Variants in SYNJ2BP observed in about 807,000 individuals in gnomAD.
SYNJ2BP encodes synaptojanin 2 binding protein, also known as synaptojanin-2-binding protein.
Under a neutral mutation model 16.9 loss-of-function variants are expected in SYNJ2BP, and 10 were observed. The observed-to-expected ratio is 0.59, with a 90% CI of 0.36 to 1.00. The LOEUF is 1.00. Among genes scored for constraint, SYNJ2BP ranks in the 50% least tolerant of loss-of-function variants. The pLI is 0.01. For synonymous variants in SYNJ2BP, 54 were observed against 68.4 expected (o/e 0.79, Z 1.04); for missense variants, 162 against 186.7 (o/e 0.87, Z 0.77).
At chr14:70,403,842 C>T (rs954988278) in intron 1 of SYNJ2BP, among the ~76,000 whole-genome samples, 1 of 152,172 alleles carries the variant, frequency 6.6e-6, no homozygotes, top group Non-Finnish European at 1.5e-5. Flanking sequence ...ACCCTCTCTT[C>T]GGGTCTGGAT....
chr14:70,375,558 C>T, intron 3 of SYNJ2BP, 118 bp downstream of exon 3: 1 of 1,287,364 alleles, frequency 7.8e-7, no homozygotes, highest in Non-Finnish European at 1.0e-6. Context: ...GCCTGAGAAA[C>T]TCTTCAGGGG....
chr14:70,408,180 G>C (rs1242487653), intron 1 of SYNJ2BP, among the ~76,000 whole-genome samples: 1 of 151,534 alleles, frequency 6.6e-6, no homozygotes, highest in Non-Finnish European at 1.5e-5. Flanking sequence ...TAAAAGGAGG[G>C]AAAAAGAGAA....
chr14:70,410,253 A>G (rs1029018017), intron 1 of SYNJ2BP, among the ~76,000 whole-genome samples: 2 of 152,080 alleles, frequency 1.3e-5, no homozygotes, highest in African/African-American at 4.8e-5. Context: ...CGTCTCTATG[A>G]AAAATATGGC....
intron 1 of SYNJ2BP, among the ~76,000 whole-genome samples, chr14:70,412,509 C>CAGTAGATGTACAGTATATATGTATGTAT (rs1888496644): frequency 3.4e-5 from 3 of 87,688 alleles, no homozygotes; most frequent in African/African-American, 9.0e-5. Flanking sequence ...AGTATATATA[C>CAGTAGATGTACAGTATATATGTATGTAT]AGTATATATA....
chr14:70,374,923 T>A (rs1887592344), intron 3 of SYNJ2BP, among the ~76,000 whole-genome samples: 1 of 146,698 alleles, frequency 6.8e-6, no homozygotes, highest in Admixed American at 6.9e-5. Flanking sequence ...TTGGTCCATG[T>A]CACTCTTAAA....
intron 2 of SYNJ2BP, among the ~76,000 whole-genome samples, chr14:70,378,824 T>C (rs1887688465): frequency 6.6e-6 from 1 of 152,184 alleles, no homozygotes. Flanking sequence ...AAACTGCTTT[T>C]CCTTTTGTTC....
intron 2 of SYNJ2BP, among the ~76,000 whole-genome samples, chr14:70,386,535 G>C (rs1594947215): frequency 6.6e-6 from 1 of 152,190 alleles, no homozygotes. Flanking sequence ...TTTCTTTTTG[G>C]GGGACTAAGT....
At position 70,368,714 on chromosome 14, in the gene SYNJ2BP, T is replaced by C. The variant is rs200816931; in HGVS notation, c.*4277A>G. On this transcript the variant is annotated 3_prime_UTR_variant, in exon 4 of 4. Transcript: ENST00000256366. The stretch of plus-strand genomic sequence containing the variant: ...TTTTTGTTGTTGTTGTTGTTGTTGT[T>C]GTTTTGCCTGAAGCAATGTATGTAA... The C allele has an allele frequency of 6.9e-6, 1 of 145,034 alleles. No homozygotes were observed. The highest frequency in any genetic ancestry group is 2.0e-4 in the East Asian group (1 of 5,078). The allele number at this position is 145,034 out of a possible 1,614,324, so 9.0% of individuals were successfully genotyped here. A position where few individuals can be genotyped will look rare whatever the true frequency, so the allele number is the denominator to read the frequency against.
At chr14:70,398,584 C>T (rs1888158342) in intron 1 of SYNJ2BP, among the ~76,000 whole-genome samples, 1 of 152,212 alleles carries the variant, frequency 6.6e-6, no homozygotes, top group Non-Finnish European at 1.5e-5. Flanking sequence ...GCACTGAGAT[C>T]AGAGCAGGCA....
intron 1 of SYNJ2BP, among the ~76,000 whole-genome samples, chr14:70,390,101 T>C (rs1004003991): frequency 1.3e-5 from 2 of 152,010 alleles, no homozygotes; most frequent in African/African-American, 4.8e-5. Flanking sequence ...AGTACCAAAG[T>C]GCTATTTCTA....
chr14:70,386,643 T>G (rs1305621588), intron 2 of SYNJ2BP, among the ~76,000 whole-genome samples: 1 of 152,180 alleles, frequency 6.6e-6, no homozygotes, highest in Non-Finnish European at 1.5e-5. Context: ...GGATGTTCTC[T>G]CTCTCTTTTC....
rs1233365196 is a variant in SYNJ2BP at position 70,368,465 on chromosome 14, C to T, written c.*4526G>A. 2 of 152,192 alleles carry T rather than the reference C, an allele frequency of 1.3e-5. No homozygotes were observed. The highest frequency in any genetic ancestry group is 2.4e-5 in the African/African-American group (1 of 41,446). 9.4% of individuals were successfully genotyped at this position (152,192 alleles called of 1,614,324 possible). On this transcript the variant is annotated 3_prime_UTR_variant, in exon 4 of 4. Coordinates refer to ENST00000256366, the MANE Select transcript of SYNJ2BP (RefSeq NM_018373.3). ...AGTTAAGTTAGCTTCCCTCTCTGAG[C>T]CTTTATTTTTCTCATCTCTAAGACA... is the stretch of plus-strand genomic sequence containing the variant.
chr14:70,380,342 T>G (rs1046285444), intron 2 of SYNJ2BP, among the ~76,000 whole-genome samples: 3 of 152,204 alleles, frequency 2.0e-5, no homozygotes, highest in Admixed American at 6.5e-5. Context: ...CCATTTAGTT[T>G]GTATTTAATG....
intron 1 of SYNJ2BP, among the ~76,000 whole-genome samples, chr14:70,411,541 G>C (rs1418295818): frequency 6.6e-6 from 1 of 152,088 alleles, no homozygotes; most frequent in African/African-American, 2.4e-5. Context: ...CTTCTCTCTT[G>C]AATCTCCTAA....
chr14:70,378,946 G>C (rs147115821), intron 2 of SYNJ2BP, among the ~76,000 whole-genome samples: 92 of 152,198 alleles, frequency 6.0e-4, no homozygotes, highest in African/African-American at 2.1e-3. Context: ...ATACGTAATT[G>C]ACTATTCCCT....
chr14:70,408,688 T>A (rs1257967942), intron 1 of SYNJ2BP, among the ~76,000 whole-genome samples: 1 of 121,482 alleles, frequency 8.2e-6, no homozygotes, highest in African/African-American at 3.3e-5. Flanking sequence ...AAAAAAAAAA[T>A]CATTGAATCC....
At chr14:70,384,490 ACGG>A (rs1887817336) in intron 2 of SYNJ2BP, among the ~76,000 whole-genome samples, 5 of 2,632 alleles carry the variant, frequency 1.9e-3, no homozygotes, top group Non-Finnish European at 3.8e-3. Context: ...ATACGATGTC[ACGG>A]GTAAGTGATG....
At chr14:70,373,761 T>A (rs1261844634) in intron 3 of SYNJ2BP, among the ~76,000 whole-genome samples, 1 of 152,252 alleles carries the variant, frequency 6.6e-6, no homozygotes, top group Admixed American at 6.5e-5. Context: ...AAAGAAATTA[T>A]ATCCTAGTGC....
In SYNJ2BP at chr14:70,390,778, C is replaced by A. The variant is rs144723246; in HGVS notation, c.65-2172G>T. Among the ~76,000 whole-genome samples, 320 of 152,212 alleles carry A rather than the reference C, an allele frequency of 2.1e-3. 1 individual carries two copies. The highest frequency in any genetic ancestry group is 7.2e-3 in the African/African-American group (299 of 41,534). Reference sequence around the variant, plus strand: ...AGTATTAACATAAGCACTAGCAAATCAATTTGTAATTTAAAGAAAAACATG... The same window carrying A: ...AGTATTAACATAAGCACTAGCAAATAAATTTGTAATTTAAAGAAAAACATG... On this transcript the variant is annotated intron_variant, in intron 1 of 3. Transcript: ENST00000256366.
Sources: allele counts gnomAD v4.1 joint callset (sites outside exome capture counted in the v4.1 genomes callset), GRCh38; gene constraint gnomAD v4.1.1; transcripts MANE v1.5; gene names NCBI Gene and HGNC (gene_info 2026-07-23, HGNC 2026-07-21).